NMNAT1: variants seen among roughly 807,000 people sequenced by gnomAD.
NMNAT1 encodes nicotinamide nucleotide adenylyltransferase 1, also known as nicotinamide/nicotinic acid mononucleotide adenylyltransferase 1.
NMNAT1 carries 11 observed loss-of-function variants against 16.7 expected under a neutral mutation model. The ratio of observed to expected loss-of-function variants is 0.66; its 90% CI spans 0.41 to 1.09. NMNAT1 has a LOEUF of 1.09. Ranked by LOEUF, NMNAT1 falls within the 50% of genes least tolerant of loss-of-function variation. NMNAT1 has a pLI of 0.00. For synonymous variants in NMNAT1, 110 were observed against 119.8 expected, an observed-to-expected ratio of 0.92 and a Z score of 0.53; for missense variants, 280 against 332.3, an observed-to-expected ratio of 0.84 and a Z score of 1.22.
chr1:9,986,175 A>G (rs560778595), downstream of NMNAT1, among the ~76,000 whole-genome samples: 4 of 152,332 alleles, frequency 2.6e-5, no homozygotes, highest in Admixed American at 6.5e-5. Flanking sequence ...AATTTTTCCA[A>G]AACAATGGAT....
chr1:9,976,286 CAAA>C (rs554511251), intron 3 of NMNAT1, among the ~76,000 whole-genome samples: 8 of 58,570 alleles, frequency 1.4e-4, no homozygotes, highest in East Asian at 1.2e-3. Flanking sequence ...GACTCCATCT[CAAA>C]AAAAAAAAAA....
chr1:9,995,391 T>C, the NMNAT1 span, among the ~76,000 whole-genome samples: 1 of 151,864 alleles, frequency 6.6e-6, no homozygotes, highest in Non-Finnish European at 1.5e-5. Flanking sequence ...AGAGCAAGAC[T>C]CTATCTCAAA....
chr1:9,990,089 C>T (rs1306545067), downstream of NMNAT1, among the ~76,000 whole-genome samples: 4 of 152,206 alleles, frequency 2.6e-5, no homozygotes, highest in Non-Finnish European at 1.5e-5. Flanking sequence ...CCAGTTCCTG[C>T]CAATGAAGGG....
Position 9,983,648 on chromosome 1 carries a change from T to TC in NMNAT1, c.*949dup, listed in dbSNP as rs1641997351. 2 of 147,004 alleles carry TC rather than the reference T, an allele frequency of 1.4e-5. No individual in the cohort carries two copies. The highest frequency in any genetic ancestry group is 5.1e-5 in the African/African-American group (2 of 39,294). 9.1% of individuals were successfully genotyped at this position (147,004 alleles called of 1,614,324 possible). Reference sequence around the variant, plus strand: ...TCCAGCCTGGGTGACAGAGCGAGACTCCATCTCAAAAAAAAAAAAAAGCCT... The same window carrying TC: ...TCCAGCCTGGGTGACAGAGCGAGACTCCCATCTCAAAAAAAAAAAAAAGCCT... On this transcript the variant is annotated 3_prime_UTR_variant, in exon 5 of 5. Coordinates refer to ENST00000377205, the MANE Select transcript of NMNAT1 (RefSeq NM_022787.4).
At chr1:9,975,461 A>G (rs1361714345) in intron 2 of NMNAT1, 131 bp from the exon 3 acceptor site, 2 of 676,902 alleles carry the variant, frequency 3.0e-6, no homozygotes, top group Non-Finnish European at 4.8e-6. Flanking sequence ...AGATCACTCC[A>G]GTGCGGCCTG....
intron 1 of NMNAT1, among the ~76,000 whole-genome samples, chr1:9,951,461 T>TG (rs1641107928): frequency 8.1e-6 from 1 of 123,224 alleles, no homozygotes; most frequent in African/African-American, 2.8e-5. Flanking sequence ...TTCAGTTTTT[T>TG]TTTGTTGTTG....
chr1:9,992,939 C>T, the NMNAT1 span, among the ~76,000 whole-genome samples: 2,189 of 152,078 alleles, frequency 0.014, 39 homozygotes, highest in African/African-American at 0.036. Flanking sequence ...AAAGAAAAGA[C>T]TGTACCCCTA....
rs951753989 is a variant in NMNAT1, at chr1:9,958,174, A to G, written c.-56-13844A>G. Among the ~76,000 whole-genome samples the G allele has an allele frequency of 2.0e-4, 30 of 152,284 alleles. 1 individual carries two copies. Among genetic ancestry groups the G allele is most frequent in the East Asian group, 1.9e-4 (1 of 5,178 alleles). ...GGGCAGGCTGCAATTAACATTTTAC[A>G]TTACTCGTTTAGTGATGAAATAGCT... On this transcript the variant is annotated intron_variant, in intron 1 of 4. Transcript: ENST00000377205.
intron 1 of NMNAT1, among the ~76,000 whole-genome samples, chr1:9,963,043 C>G (rs1641463232): frequency 6.6e-6 from 1 of 151,686 alleles, no homozygotes; most frequent in Non-Finnish European, 1.5e-5. Flanking sequence ...CACTCCTTTG[C>G]TCAGAAACCT....
chr1:9,982,224 A>G, intron 4 of NMNAT1, 77 bp from the exon 5 acceptor site: 1 of 1,501,758 alleles, frequency 6.7e-7, no homozygotes. Context: ...GTTATTAGAA[A>G]AGTAAACCCC....
chr1:9,963,942 A>C (rs1184419159), intron 1 of NMNAT1, among the ~76,000 whole-genome samples: 2 of 151,538 alleles, frequency 1.3e-5, no homozygotes, highest in Non-Finnish European at 2.9e-5. Flanking sequence ...CTCAGGCTGG[A>C]GTGCTGAGGC....
At chr1:9,968,562 A>G (rs146266890) in intron 1 of NMNAT1, among the ~76,000 whole-genome samples, 1 of 113,548 alleles carries the variant, frequency 8.8e-6, no homozygotes, top group Non-Finnish European at 1.9e-5. Flanking sequence ...AGGTCAGGAG[A>G]TCAAGACCAT....
Position 9,979,285 on chromosome 1 carries a change from TAGTG to T in NMNAT1, c.300-1743_300-1740del, listed in dbSNP as rs543442207. Among the ~76,000 whole-genome samples, 116 of 151,840 alleles carry T rather than the reference TAGTG, an allele frequency of 7.6e-4. No individual in the cohort carries two copies. The Middle Eastern group carries it at 0.014, about 18-fold the overall frequency. On this transcript the variant is annotated intron_variant, in intron 3 of 4. Coordinates refer to ENST00000377205, the MANE Select transcript of NMNAT1 (RefSeq NM_022787.4). ...GAGTTCAAGACCAGTGTGGGCAACA[TAGTG>T]AGACCTCATCTCTCCAAAAAACTAA...
chr1:9,980,976 AT>A, intron 3 of NMNAT1, 54 bp from the exon 4 acceptor site: 4 of 1,561,440 alleles, frequency 2.6e-6, no homozygotes, highest in Non-Finnish European at 3.5e-6. Context: ...TTAATGATAT[AT>A]TCTAATGGAG....
At chr1:9,945,450 C>G (rs1640957732) in intron 1 of NMNAT1, among the ~76,000 whole-genome samples, 1 of 152,082 alleles carries the variant, frequency 6.6e-6, no homozygotes, top group Admixed American at 6.6e-5. Context: ...CCTGTAATCC[C>G]AGGACTTTGG....
At position 9,982,497 on chromosome 1, in the gene NMNAT1, G is replaced by C; in HGVS notation, c.636G>C (p.Val212=). The stretch of plus-strand genomic sequence containing the variant: ...GGAAACACCGGAGCAACATTCACGT[G>C]GTGAATGAATGGATCGCTAATGACA... The part of the protein sequence containing the change: ...VLWKHRSNIH[V]VNEWIANDIS... Residue 212 remains valine, a synonymous_variant, in exon 5 of 5, where the codon GTG becomes GTC. Coordinates refer to ENST00000377205, the MANE Select transcript of NMNAT1 (RefSeq NM_022787.4). The C allele has an allele frequency of 6.2e-7, 1 of 1,613,814 alleles. No homozygotes were observed. Among genetic ancestry groups the C allele is most frequent in the Non-Finnish European group, 8.5e-7 (1 of 1,179,794 alleles).
At chr1:9,947,671 A>T (rs1006268380) in intron 1 of NMNAT1, 1 of 152,232 alleles carries the variant, frequency 6.6e-6, no homozygotes, top group Non-Finnish European at 1.5e-5. Flanking sequence ...TTTTGGAGTC[A>T]TGCTTGACTT....
the NMNAT1 span, among the ~76,000 whole-genome samples, chr1:9,996,359 G>GA: frequency 2.1e-3 from 315 of 150,098 alleles, 1 homozygote; most frequent in African/African-American, 7.3e-3. Context: ...TGTCTCAAAA[G>GA]AAAAAAAATA....
intron 1 of NMNAT1, among the ~76,000 whole-genome samples, chr1:9,964,425 G>A (rs567924258): frequency 6.6e-6 from 1 of 151,986 alleles, no homozygotes; most frequent in African/African-American, 2.4e-5. Context: ...TGCAGTCCCA[G>A]CTACACGAGT....
Sources: allele counts gnomAD v4.1 joint callset (sites outside exome capture counted in the v4.1 genomes callset), GRCh38; gene constraint gnomAD v4.1.1; transcripts MANE v1.5; gene names NCBI Gene and HGNC (gene_info 2026-07-23, HGNC 2026-07-21).